Variants in RBFOX1 observed in about 807,000 individuals in gnomAD.
RBFOX1 encodes the protein RNA binding fox-1 homolog 1, also known as RNA binding protein fox-1 homolog 1.
In RBFOX1, 8 loss-of-function variants were observed where a neutral mutation model predicts 57.7. The ratio of observed to expected loss-of-function variants is 0.14; its 90% CI spans 0.08 to 0.25. The LOEUF (loss-of-function observed/expected upper bound fraction) is 0.25, where lower values mean the gene tolerates loss of function less well. RBFOX1 is among the 10% of genes least tolerant of loss of function. RBFOX1 has a pLI of 1.00. For missense variants in RBFOX1, 611 were observed against 548.5 expected, an observed-to-expected ratio of 1.11 and a Z score of -1.14; for synonymous variants, 326 against 222.4, an observed-to-expected ratio of 1.47 and a Z score of -4.15.
intron 4 of RBFOX1, among the ~76,000 whole-genome samples, chr16:7,484,415 A>T (rs77421623): frequency 0.18 from 27,672 of 152,138 alleles, 2,945 homozygotes; most frequent in East Asian, 0.4. Flanking sequence ...TATTGTTGTT[A>T]TCCAAAGTGG....
At chr16:7,083,350 G>A (rs2059487870) in intron 4 of RBFOX1, among the ~76,000 whole-genome samples, 1 of 151,888 alleles carries the variant, frequency 6.6e-6, no homozygotes, top group Non-Finnish European at 1.5e-5. Context: ...CCTTGCAGAG[G>A]GACCACATGT....
At chr16:7,164,788 A>G (rs2079086313) in intron 4 of RBFOX1, among the ~76,000 whole-genome samples, 1 of 152,140 alleles carries the variant, frequency 6.6e-6, no homozygotes, top group Non-Finnish European at 1.5e-5. Context: ...TGATCAACTA[A>G]GTTGTTCTCA....
chr16:7,287,310 A>C (rs1568041247), intron 4 of RBFOX1, among the ~76,000 whole-genome samples: 1 of 152,244 alleles, frequency 6.6e-6, no homozygotes, highest in Non-Finnish European at 1.5e-5. Flanking sequence ...GAGCTGTCAC[A>C]CAGGACCTGG....
intron 4 of RBFOX1, among the ~76,000 whole-genome samples, chr16:7,234,919 C>G (rs1240074268): frequency 1.3e-5 from 2 of 152,004 alleles, no homozygotes; most frequent in African/African-American, 4.8e-5. Context: ...ATTCCATTTT[C>G]AGAGACTTAC....
At chr16:7,224,200 T>TAATG (rs1290230284) in intron 4 of RBFOX1, among the ~76,000 whole-genome samples, 2 of 134,620 alleles carry the variant, frequency 1.5e-5, no homozygotes, top group Non-Finnish European at 3.1e-5. Flanking sequence ...TGCAATACTA[T>TAATG]AATGGGAAGA....
At chr16:7,407,449 C>T (rs1310565677) in intron 4 of RBFOX1, among the ~76,000 whole-genome samples, 2 of 151,646 alleles carry the variant, frequency 1.3e-5, no homozygotes, top group Non-Finnish European at 2.9e-5. Context: ...AAAAAGAAGC[C>T]ATGATACTAA....
intron 1 of RBFOX1, among the ~76,000 whole-genome samples, chr16:6,020,958 G>A (rs149161572): frequency 6.6e-6 from 1 of 152,216 alleles, no homozygotes; most frequent in African/African-American, 2.4e-5. Flanking sequence ...GGAATGGTCA[G>A]GGGGCTGGGA....
At chr16:5,509,316 C>G (rs2043495542) in intron 2 of RBFOX1, among the ~76,000 whole-genome samples, 1 of 152,132 alleles carries the variant, frequency 6.6e-6, no homozygotes, top group Admixed American at 6.6e-5. Context: ...AGGGGATGTC[C>G]CACAGCTGGC....
At chr16:6,455,295 C>T (rs1335568771) in intron 2 of RBFOX1, among the ~76,000 whole-genome samples, 1 of 152,052 alleles carries the variant, frequency 6.6e-6, no homozygotes, top group Non-Finnish European at 1.5e-5. Context: ...AACAACCTAA[C>T]CACGATGTAT....
At chr16:7,233,269 G>T (rs990259803) in intron 4 of RBFOX1, among the ~76,000 whole-genome samples, 17 of 150,056 alleles carry the variant, frequency 1.1e-4, no homozygotes, top group Admixed American at 1.1e-3. Flanking sequence ...TTTCTAAGCT[G>T]GCTCTATCCC....
chr16:7,415,692 A>C (rs567073760), intron 4 of RBFOX1, among the ~76,000 whole-genome samples: 6 of 152,300 alleles, frequency 3.9e-5, no homozygotes, highest in African/African-American at 1.4e-4. Context: ...GCACTAGTTG[A>C]ATTCCAAGAA....
At chr16:7,504,619 T>A (rs956063888) in intron 4 of RBFOX1, among the ~76,000 whole-genome samples, 2 of 146,826 alleles carry the variant, frequency 1.4e-5, no homozygotes, top group Non-Finnish European at 3.0e-5. Flanking sequence ...TTTGCACTTA[T>A]TCACTTCAAG....
At chr16:5,984,968 ATATATATATTTTTT>A (rs1298191947) in intron 4 of RBFOX1, among the ~76,000 whole-genome samples, 1 of 55,738 alleles carries the variant, frequency 1.8e-5, no homozygotes, top group African/African-American at 8.5e-5. Flanking sequence ...ATATATATAT[ATATATATATTTTTT>A]TTTTTTTTTT....
At chr16:7,419,568 A>T (rs2098519201) in intron 4 of RBFOX1, among the ~76,000 whole-genome samples, 1 of 152,216 alleles carries the variant, frequency 6.6e-6, no homozygotes, top group African/African-American at 2.4e-5. Context: ...CGGCATATGC[A>T]AGCTTGGACC....
rs184329578 is a variant in RBFOX1, at chr16:5,283,326, G to A, written c.219+43221G>A. On this transcript the variant is annotated intron_variant, in intron 1 of 2. Transcript: ENST00000585867. ...GGAGCCCCCACATAGAGTCCCTACT[G>A]TGGCACCACCTAGTGGAGCTGTGAG... is the stretch of plus-strand genomic sequence containing the variant. Among the ~76,000 whole-genome samples the A allele has an allele frequency of 3.3e-5, 5 of 152,308 alleles. No individual in the cohort carries two copies. In the East Asian group the frequency reaches 9.7e-4, roughly 29 times the overall value.
At chr16:6,352,531 G>C (rs75438632) in intron 2 of RBFOX1, among the ~76,000 whole-genome samples, 1 of 151,916 alleles carries the variant, frequency 6.6e-6, no homozygotes, top group South Asian at 2.1e-4. Context: ...GTAGCCCAGG[G>C]AACAAAGGAG....
chr16:6,998,971 C>T (rs901971620), intron 3 of RBFOX1, among the ~76,000 whole-genome samples: 8 of 151,364 alleles, frequency 5.3e-5, no homozygotes, highest in African/African-American at 1.5e-4. Context: ...CAGGTTCAAG[C>T]GATTCTCGTG....
intron 2 of RBFOX1, among the ~76,000 whole-genome samples, chr16:5,484,625 T>A (rs1040140847): frequency 6.6e-6 from 1 of 152,030 alleles, no homozygotes; most frequent in Non-Finnish European, 1.5e-5. Context: ...AAAAAATTTT[T>A]AAAATGGCCG....
chr16:6,262,485 C>T (rs1246852677), intron 1 of RBFOX1, among the ~76,000 whole-genome samples: 1 of 152,044 alleles, frequency 6.6e-6, no homozygotes, highest in African/African-American at 2.4e-5. Flanking sequence ...TTTGCCTCAT[C>T]CATATTGAGG....
Sources: allele counts gnomAD v4.1 joint callset (sites outside exome capture counted in the v4.1 genomes callset), GRCh38; gene constraint gnomAD v4.1.1; transcripts MANE v1.5; gene names NCBI Gene and HGNC (gene_info 2026-07-23, HGNC 2026-07-21).